The following ATP1A4 variants were observed in gnomAD, a reference collection of about 807,000 sequenced individuals.
ATP1A4 encodes the protein ATPase Na+/K+ transporting subunit alpha 4, also known as sodium/potassium-transporting ATPase subunit alpha-4.
A neutral mutation model predicts 114.3 loss-of-function variants in ATP1A4; 90 were observed. That is an observed-to-expected ratio of 0.79 (90% CI 0.66 to 0.94). ATP1A4 has a LOEUF of 0.94. ATP1A4 is among the 40% of genes least tolerant of loss of function. ATP1A4 has a pLI of 0.00. For missense variants in ATP1A4, 1,222 were observed against 1,313.6 expected (o/e 0.93, Z 1.08); for synonymous variants, 511 against 494.1 (o/e 1.03, Z -0.45).
intron 7 of ATP1A4, among the ~76,000 whole-genome samples, chr1:160,165,380 T>C (rs1406543780): frequency 2.0e-5 from 3 of 152,234 alleles, no homozygotes; most frequent in African/African-American, 7.2e-5. Context: ...GCCTTCACAA[T>C]CAACAAAAGT....
intron 10 of ATP1A4, among the ~76,000 whole-genome samples, chr1:160,168,527 C>A (rs1653124512): frequency 6.6e-6 from 1 of 151,966 alleles, no homozygotes; most frequent in South Asian, 2.1e-4. Context: ...GGATTACAGG[C>A]ATGTGCCACC....
chr1:160,179,551 G>A (rs1653606047), intron 18 of ATP1A4, among the ~76,000 whole-genome samples: 1 of 152,212 alleles, frequency 6.6e-6, no homozygotes. Context: ...GTAATTTTCA[G>A]ATAATCTGGT....
At chr1:160,160,415 C>T (rs1183347177) in intron 6 of ATP1A4, among the ~76,000 whole-genome samples, 1 of 152,136 alleles carries the variant, frequency 6.6e-6, no homozygotes, top group African/African-American at 2.4e-5. Context: ...TGGGTTTTCA[C>T]CATGTTGGCC....
intron 2 of ATP1A4, among the ~76,000 whole-genome samples, chr1:160,154,170 A>G (rs1042495635): frequency 7.9e-5 from 12 of 152,180 alleles, no homozygotes; most frequent in Admixed American, 5.2e-4. Context: ...CCTGGCCAAC[A>G]TGGTGAAACC....
In ATP1A4 at chr1:160,152,049, T is replaced by G; in HGVS notation, c.9T>G (p.Leu3=). Reference sequence around the variant, plus strand: ...TCTTTCTGGGGATAGCTATGGGGCTTTGGGGGAAGAAAGGGACAGTGGCTC... The same window carrying G: ...TCTTTCTGGGGATAGCTATGGGGCTGTGGGGGAAGAAAGGGACAGTGGCTC... The part of the protein sequence containing the change: MG[L]WGKKGTVAPH... Residue 3 remains leucine, a synonymous_variant, in exon 1 of 22, where the codon CTT becomes CTG. Coordinates refer to ENST00000368081, the MANE Select transcript of ATP1A4 (RefSeq NM_144699.4). The G allele has an allele frequency of 6.2e-7, 1 of 1,613,212 alleles. No homozygotes were observed.
At chr1:160,169,231 C>A (rs897731348) in intron 10 of ATP1A4, among the ~76,000 whole-genome samples, 4 of 152,214 alleles carry the variant, frequency 2.6e-5, no homozygotes, top group South Asian at 2.1e-4. Context: ...TCTCAGACTG[C>A]TGGCGGTTTG....
chr1:160,169,215 G>A (rs1176587427), intron 10 of ATP1A4, among the ~76,000 whole-genome samples: 1 of 152,226 alleles, frequency 6.6e-6, no homozygotes, highest in African/African-American at 2.4e-5. Flanking sequence ...GTCTTTGCAA[G>A]AGACATCTCA....
intron 20 of ATP1A4, among the ~76,000 whole-genome samples, chr1:160,185,967 C>T (rs995899550): frequency 1.3e-5 from 2 of 149,100 alleles, no homozygotes; most frequent in Non-Finnish European, 3.0e-5. Flanking sequence ...TGGTGGTGCA[C>T]ACCTGTAATC....
intron 1 of ATP1A4, 145 bp downstream of exon 1, chr1:160,152,332 A>T: frequency 1.3e-6 from 1 of 751,082 alleles, no homozygotes; most frequent in Non-Finnish European, 1.9e-6. Flanking sequence ...AGAGGGTTAA[A>T]AAAAAAAAAA....
At position 160,164,165 on chromosome 1, in the gene ATP1A4, G is replaced by C. The variant is rs76528638; in HGVS notation, c.788G>C (p.Arg263Pro). 1.9e-6 allele frequency: 3 copies of C among 1,613,948 alleles called. No homozygotes were observed. The African/African-American group carries it at 4.0e-5, about 22-fold the overall frequency. The change falls in exon 7 of 22, where the codon CGG becomes CCG. Residue 263 changes from arginine (R) to proline (P), a missense_variant. Physicochemically the swap from Arg to Pro is moderately radical, Grantham distance 103. Transcript: ENST00000368081. ...CCTGCTTCATCCACAGGAACCGCCC[G>C]GGGTATTGTGATTGCTACGGGAGAC... ...FSTNCVEGTARGIVIATGDST... is the reference protein window; with the variant it reads ...FSTNCVEGTAPGIVIATGDST...
chr1:160,159,527 GT>G lies in ATP1A4; in HGVS notation c.778+2del, dbSNP rs758553578. ...TTCTTTTCCACCAACTGTGTGGAAG[GT>G]GAATATCGAACCATAAGTAGCATAG... On this transcript the variant is annotated splice_donor_variant, in intron 6 of 21. Transcript: ENST00000368081. LOFTEE classifies it high-confidence loss of function. 8 of 1,606,304 alleles carry G rather than the reference GT, an allele frequency of 5.0e-6. No homozygotes were observed. The East Asian group carries it at 1.8e-4, about 36-fold the overall frequency.
In ATP1A4 at chr1:160,153,219, A is replaced by T. The variant is rs780165144; in HGVS notation, c.202A>T (p.Thr68Ser). The change falls in exon 2 of 22, where the codon ACA (threonine) becomes TCA (serine). Residue 68 changes from threonine (T) to serine (S), a missense_variant. Transcript: ENST00000368081. ...ELSTKYSVDL[T>S]KGHSHQRAKE... ...GAGCACCAAGTACTCCGTGGACCTG[A>T]CAAAGGTGAGTAAGAAGCTCCCTGA... 1.2e-6 allele frequency: 2 copies of T among 1,613,728 alleles called. No homozygotes were observed. Among genetic ancestry groups the T allele is most frequent in the South Asian group, 2.2e-5 (2 of 91,074 alleles).
rs555422522 is a variant in ATP1A4 at position 160,174,305 on chromosome 1, G to C, written c.2142+44G>C. 3.1e-6 allele frequency: 5 copies of C among 1,612,978 alleles called. No individual in the cohort carries two copies. In the Admixed American group the frequency reaches 5.0e-5, roughly 16 times the overall value. On this transcript the variant is annotated intron_variant, in intron 14 of 21. Transcript: ENST00000368081. The stretch of plus-strand genomic sequence containing the variant: ...CCCCAAGGAAACTGGCAGAACTCCT[G>C]TGGCTTAGCCCCGTCCCAAACCAAG...
In ATP1A4 at chr1:160,164,251, A is replaced by G. The variant is rs1300350586; in HGVS notation, c.874A>G (p.Ile292Val). Residue 292 changes from isoleucine (I) to valine (V), a missense_variant, in exon 7 of 22, where the codon ATC becomes GTC. Coordinates refer to ENST00000368081, the MANE Select transcript of ATP1A4 (RefSeq NM_144699.4). ...TSGLAVGQTP[I>V]AAEIEHFIHL... ...AGGCCTGGCGGTTGGCCAGACACCTATCGCTGCTGAGATCGAACACTTCAT... is the reference window on the plus strand; with the variant it reads ...AGGCCTGGCGGTTGGCCAGACACCTGTCGCTGCTGAGATCGAACACTTCAT... The G allele has an allele frequency of 4.3e-6, 7 of 1,613,988 alleles. No individual in the cohort carries two copies. Among genetic ancestry groups the G allele is most frequent in the Admixed American group, 3.3e-5 (2 of 60,002 alleles).
chr1:160,168,666 G>A (rs984680238), intron 10 of ATP1A4, among the ~76,000 whole-genome samples: 5 of 152,140 alleles, frequency 3.3e-5, no homozygotes, highest in Non-Finnish European at 7.3e-5. Flanking sequence ...TTACAGGCGT[G>A]AGCCACCATG....
At position 160,152,195 on chromosome 1, in the gene ATP1A4, C is replaced by T; in HGVS notation, c.147+8C>T. 6.2e-7 allele frequency: 1 copy of T among 1,612,026 alleles called. No individual in the cohort carries two copies. Among genetic ancestry groups the T allele is most frequent in the Non-Finnish European group, 8.5e-7 (1 of 1,179,488 alleles). The stretch of plus-strand genomic sequence containing the variant: ...AAGAAGGAAGTGGTCATGGTGAGGC[C>T]ACCCAAAGTGGGCGCTGACAGCTGC... On this transcript the variant is annotated splice_region_variant and intron_variant, in intron 1 of 21. Coordinates refer to ENST00000368081, the MANE Select transcript of ATP1A4 (RefSeq NM_144699.4).
intron 15 of ATP1A4, 49 bp downstream of exon 15, chr1:160,174,796 T>C (rs1232047082): frequency 6.2e-7 from 1 of 1,609,590 alleles, no homozygotes; most frequent in Non-Finnish European, 8.5e-7. Flanking sequence ...TGGACTCAGG[T>C]GGGGGTTGGT....
intron 8 of ATP1A4, 73 bp from the exon 9 acceptor site, chr1:160,166,895 A>G: frequency 6.5e-7 from 1 of 1,537,076 alleles, no homozygotes; most frequent in Non-Finnish European, 9.0e-7. Context: ...TCTGGGTGCC[A>G]AAGAGGATGT....
chr1:160,151,855 T>C lies in ATP1A4; in HGVS notation c.-186T>C. 1.7e-6 allele frequency: 1 copy of C among 603,708 alleles called. No homozygotes were observed. Among genetic ancestry groups the C allele is most frequent in the Non-Finnish European group, 2.8e-6 (1 of 357,268 alleles). The allele number at this position is 603,708 out of a possible 1,614,324, so 37.4% of individuals were successfully genotyped here. A position where few individuals can be genotyped will look rare whatever the true frequency, so the allele number is the denominator to read the frequency against. On this transcript the variant is annotated 5_prime_UTR_variant, in exon 1 of 22. Transcript: ENST00000368081. ...CTCAGTCTCTCCTCTCTCACTTCCC[T>C]TCCTCTCTCTCACCTTCACCACCCA... is the stretch of plus-strand genomic sequence containing the variant.
Sources: allele counts gnomAD v4.1 joint callset (sites outside exome capture counted in the v4.1 genomes callset), GRCh38; gene constraint gnomAD v4.1.1; transcripts MANE v1.5; gene names NCBI Gene and HGNC (gene_info 2026-07-23, HGNC 2026-07-21).